The following PC variants were observed in gnomAD, a reference collection of about 807,000 sequenced individuals.
PC encodes pyruvate carboxylase, mitochondrial.
A neutral mutation model predicts 107.8 loss-of-function variants in PC; 46 were observed. That is an observed-to-expected ratio of 0.43 (90% CI 0.34 to 0.55). PC has a LOEUF of 0.55. PC is among the 20% of genes least tolerant of loss of function. The pLI is 0.04. For missense variants in PC, 1,241 were observed against 1,643.1 expected, an observed-to-expected ratio of 0.76 and a Z score of 4.23; for synonymous variants, 662 against 684.7, an observed-to-expected ratio of 0.97 and a Z score of 0.52.
rs752840850 is a variant in PC, at chr11:66,851,116, G to A, written c.2147C>T (p.Thr716Ile). Residue 716 changes from threonine (T) to isoleucine (I), a missense_variant, in exon 17 of 23, where the codon ACC (threonine) becomes ATC (isoleucine). Physicochemically the swap from Thr to Ile is moderately conservative, Grantham distance 89. Around this residue, in one of 2 missense-constraint regions of PC, gnomAD observed 1,143 missense variants for 1,551.9 expected, o/e 0.74. Transcript: ENST00000393960. ...CATGTAGTACTGCAGTGAGTACTTGGTGCGGCTGGGGTCGGCCACGTCGCC... is the reference window on the plus strand; with the variant it reads ...CATGTAGTACTGCAGTGAGTACTTGATGCGGCTGGGGTCGGCCACGTCGCC... ...YTGDVADPSR[T>I]KYSLQYYMGL... is the part of the protein sequence containing the mutation. The A allele has an allele frequency of 6.2e-7, 1 of 1,613,256 alleles. No homozygotes were observed. Among genetic ancestry groups the A allele is most frequent in the East Asian group, 2.2e-5 (1 of 44,892 alleles).
intron 3 of PC, among the ~76,000 whole-genome samples, chr11:66,907,195 G>A (rs1357160173): frequency 6.6e-6 from 1 of 152,172 alleles, no homozygotes; most frequent in Non-Finnish European, 1.5e-5. Context: ...CAGAGCTCTT[G>A]GATCCATGGC....
chr11:66,900,113 AT>A (rs923808624), intron 3 of PC, among the ~76,000 whole-genome samples: 6 of 150,690 alleles, frequency 4.0e-5, no homozygotes, highest in Admixed American at 3.3e-4. Flanking sequence ...CTATATGTCT[AT>A]CCTTACACCA....
At chr11:66,934,328 T>G (rs1362168454) in intron 3 of PC, 1 of 152,664 alleles carries the variant, frequency 6.6e-6, no homozygotes, top group African/African-American at 2.4e-5. Flanking sequence ...CTGTGTGATT[T>G]CATTTGTTTA....
At chr11:66,907,401 C>T (rs1464798822) in intron 3 of PC, among the ~76,000 whole-genome samples, 8 of 152,148 alleles carry the variant, frequency 5.3e-5, no homozygotes, top group South Asian at 4.1e-4. Flanking sequence ...GTGGCACACA[C>T]GTGTAATCCC....
chr11:66,904,885 C>T (rs1412068735), intron 3 of PC, among the ~76,000 whole-genome samples: 1 of 152,206 alleles, frequency 6.6e-6, no homozygotes, highest in Non-Finnish European at 1.5e-5. Flanking sequence ...ATTCACTCTA[C>T]CTCTGGACCT....
chr11:66,934,638 G>GT (rs972802196), intron 3 of PC: 94 of 152,668 alleles, frequency 6.2e-4, no homozygotes, highest in African/African-American at 2.1e-3. Flanking sequence ...TGTGTGTTTT[G>GT]TTTTTGTTTT....
At chr11:66,899,005 G>A (rs1361671923) in intron 3 of PC, among the ~76,000 whole-genome samples, 1 of 152,058 alleles carries the variant, frequency 6.6e-6, no homozygotes, top group East Asian at 1.9e-4. Flanking sequence ...TGAGTAGCTG[G>A]GATTACAGGC....
At chr11:66,951,531 G>A (rs940056909) in intron 3 of PC, among the ~76,000 whole-genome samples, 3 of 152,084 alleles carry the variant, frequency 2.0e-5, no homozygotes, top group Admixed American at 1.3e-4. Context: ...CGAAGAGGGC[G>A]GATCACCTGA....
rs1945887309 is a variant in PC at position 66,857,013 on chromosome 11, C to A, written c.1369-3630G>T. ...CGGCCCGGGCCCGGGTGGATCCCCG[C>A]GCGCCCCTCCCCGTCCGCCCTCCAC... is the stretch of plus-strand genomic sequence containing the variant. On this transcript the variant is annotated intron_variant, in intron 12 of 22. Transcript: ENST00000393960. This position sits in a 1 kb window ranked among gnomAD's most constrained non-coding sequence, Gnocchi z 7.1. 6.8e-6 allele frequency: 1 copy of A among 146,826 alleles called. No individual in the cohort carries two copies. Among genetic ancestry groups the A allele is most frequent in the Non-Finnish European group, 1.5e-5 (1 of 65,984 alleles). The allele number at this position is 146,826 out of a possible 1,614,324, so 9.1% of individuals were successfully genotyped here.
Position 66,866,392 on chromosome 11 carries a change from G to T in PC, c.1023-43C>A. On this transcript the variant is annotated intron_variant, in intron 10 of 22. Coordinates refer to ENST00000393960, the MANE Select transcript of PC (RefSeq NM_001040716.2). This position sits in a 1 kb window ranked among gnomAD's most constrained non-coding sequence, Gnocchi z 5.4. ...GAGGGGGGAAAGGACGGGAGAAAGGGGGAAACATGAGGCGGGGGATAGACG... is the reference window on the plus strand; with the variant it reads ...GAGGGGGGAAAGGACGGGAGAAAGGTGGAAACATGAGGCGGGGGATAGACG... 1 of 1,482,796 alleles carries T rather than the reference G, an allele frequency of 6.7e-7. No homozygotes were observed. The highest frequency in any genetic ancestry group is 9.3e-7 in the Non-Finnish European group (1 of 1,071,162). 91.9% of individuals were successfully genotyped at this position (1,482,796 alleles called of 1,614,324 possible).
intron 3 of PC, among the ~76,000 whole-genome samples, chr11:66,888,179 C>T (rs1947442741): frequency 6.6e-6 from 1 of 152,256 alleles, no homozygotes; most frequent in African/African-American, 2.4e-5. Context: ...TGGAGGCCAT[C>T]TCCAGCCTAC....
intron 12 of PC, chr11:66,859,015 G>T: frequency 6.6e-7 from 1 of 1,514,148 alleles, no homozygotes; most frequent in South Asian, 1.3e-5. Flanking sequence ...GTGAGCTGGG[G>T]TCCCGGGCGG....
chr11:66,902,283 G>A (rs185374440), intron 3 of PC, among the ~76,000 whole-genome samples: 132 of 152,262 alleles, frequency 8.7e-4, no homozygotes, highest in Admixed American at 3.0e-3. Flanking sequence ...GAGGCTTCCC[G>A]GAGATGCAGC....
rs1230323804 is a variant in PC, at chr11:66,851,775, C to A, written c.1982+15G>T. Reference sequence around the variant, plus strand: ...CCACACCAGGTAGCGTCTGCCCACCCCACCCCAGGCTCACTTGAAGACCAC... The same window carrying A: ...CCACACCAGGTAGCGTCTGCCCACCACACCCCAGGCTCACTTGAAGACCAC... On this transcript the variant is annotated intron_variant, in intron 16 of 22. Coordinates refer to ENST00000393960, the MANE Select transcript of PC (RefSeq NM_001040716.2). 2 of 1,613,882 alleles carry A rather than the reference C, an allele frequency of 1.2e-6. No individual in the cohort carries two copies. The highest frequency in any genetic ancestry group is 3.3e-5 in the Admixed American group (2 of 60,000).
intron 13 of PC, 145 bp downstream of exon 13, chr11:66,853,091 AGAG>A: frequency 1.1e-6 from 1 of 872,130 alleles, no homozygotes; most frequent in Non-Finnish European, 1.8e-6. Flanking sequence ...GTGCAGGACA[AGAG>A]GACGCAGGGC....
chr11:66,897,219 C>A (rs1321828957), intron 3 of PC, among the ~76,000 whole-genome samples: 1 of 152,182 alleles, frequency 6.6e-6, no homozygotes, highest in African/African-American at 2.4e-5. Flanking sequence ...CAGGCATGAG[C>A]CACCGCGCCC....
At chr11:66,905,566 A>G (rs1183668842) in intron 3 of PC, among the ~76,000 whole-genome samples, 2 of 152,224 alleles carry the variant, frequency 1.3e-5, no homozygotes, top group Admixed American at 1.3e-4. Flanking sequence ...ATGAGAATGC[A>G]TGTGAACTGG....
intron 10 of PC, among the ~76,000 whole-genome samples, chr11:66,867,935 C>T (rs1946564697): frequency 1.3e-5 from 2 of 152,246 alleles, no homozygotes; most frequent in African/African-American, 4.8e-5. Flanking sequence ...GAACTGGGGT[C>T]AGGGATGCTC....
intron 3 of PC, among the ~76,000 whole-genome samples, chr11:66,940,921 C>A (rs1052006310): frequency 6.6e-6 from 1 of 151,432 alleles, no homozygotes; most frequent in South Asian, 2.1e-4. Flanking sequence ...ACTAAAAATA[C>A]AAAAATTAGC....
Sources: gnomAD v4.1 joint callset for allele counts (sites outside exome capture counted in the v4.1 genomes callset) on GRCh38, gnomAD v4.1.1 for gene constraint, gnomAD v4.1.1 regional missense constraint, Gnocchi (gnomAD v3.1) non-coding constraint, MANE v1.5 for transcripts, NCBI Gene and HGNC (gene_info 2026-07-23, HGNC 2026-07-21) for gene names.